RAPGEF1: variants seen among roughly 807,000 people sequenced by gnomAD.
RAPGEF1 encodes the protein Rap guanine nucleotide exchange factor 1, also known as CRK SH3-binding GNRP.
Under a neutral mutation model 143.3 loss-of-function variants are expected in RAPGEF1, and 33 were observed. That is an observed-to-expected ratio of 0.23 (90% CI 0.17 to 0.31). The LOEUF is 0.31. Among genes scored for constraint, RAPGEF1 ranks in the 10% least tolerant of loss-of-function variants. RAPGEF1 has a pLI of 1.00. For missense variants in RAPGEF1, 1,199 were observed against 1,645.4 expected, an observed-to-expected ratio of 0.73 and a Z score of 4.69; for synonymous variants, 629 against 676.5, an observed-to-expected ratio of 0.93 and a Z score of 1.09.
chr9:131,602,068 T>G lies in RAPGEF1; in HGVS notation c.2494A>C (p.Ser832Arg). The G allele has an allele frequency of 6.3e-7, 1 of 1,599,436 alleles. No individual in the cohort carries two copies. Among genetic ancestry groups the G allele is most frequent in the Non-Finnish European group, 8.5e-7 (1 of 1,174,370 alleles). The change falls in exon 15 of 27, where the codon AGT becomes CGT. Residue 832 changes from serine (S) to arginine (R), a missense_variant. This residue lies in a region of RAPGEF1 where 293 missense variants were observed against 356.2 expected (regional missense o/e 0.82). Transcript: ENST00000683357. ...TCTGGGTCCACTTCCTACCTCTCAC[T>G]GCCGTCTCTGCTGTCCTTCCCAGGG... ...GVPGKDSRDG[S>R]ERAPKSPDAL...
chr9:131,655,347 G>A lies in RAPGEF1; in HGVS notation c.62-4398C>T, dbSNP rs1972165694. 6.6e-6 allele frequency among the ~76,000 whole-genome samples: 1 copy of A among 152,220 alleles called. No individual in the cohort carries two copies. The highest frequency in any genetic ancestry group is 2.1e-4 in the South Asian group (1 of 4,832). ...TGGGGACACAAGTCAACAGGAAGCT[G>A]CTGCACCTGGCTAGCTCACCTGGAA... On this transcript the variant is annotated intron_variant, in intron 1 of 26. Transcript: ENST00000683357. This position sits in a 1 kb window ranked among gnomAD's most constrained non-coding sequence, Gnocchi z 4.1.
At chr9:131,666,257 C>G (rs1208031059) in intron 1 of RAPGEF1, among the ~76,000 whole-genome samples, 1 of 152,174 alleles carries the variant, frequency 6.6e-6, no homozygotes, top group Non-Finnish European at 1.5e-5. Flanking sequence ...ATCTGTTGTT[C>G]AAGCTACCTC....
At chr9:131,607,028 C>A (rs1957230016) in intron 12 of RAPGEF1, among the ~76,000 whole-genome samples, 1 of 152,172 alleles carries the variant, frequency 6.6e-6, no homozygotes, top group African/African-American at 2.4e-5. Flanking sequence ...CAGCCGTGGC[C>A]CCTTCCCGGC....
intron 1 of RAPGEF1, among the ~76,000 whole-genome samples, chr9:131,676,167 G>A (rs1384281622): frequency 2.0e-5 from 3 of 152,230 alleles, no homozygotes; most frequent in East Asian, 1.9e-4. Flanking sequence ...AAAGAAAACC[G>A]TGGACAGAAG....
intron 1 of RAPGEF1, among the ~76,000 whole-genome samples, chr9:131,720,786 C>G (rs1282355330): frequency 6.6e-6 from 1 of 152,110 alleles, no homozygotes; most frequent in African/African-American, 2.4e-5. Flanking sequence ...ATCTTTTCCA[C>G]AGCAACAGAA....
chr9:131,593,529 C>T (rs1954726690), intron 17 of RAPGEF1, among the ~76,000 whole-genome samples: 1 of 152,224 alleles, frequency 6.6e-6, no homozygotes, highest in East Asian at 1.9e-4. Context: ...CACCTGCTCC[C>T]ACCTTCTCCC....
At chr9:131,661,896 TA>T in intron 1 of RAPGEF1, among the ~76,000 whole-genome samples, 1 of 152,362 alleles carries the variant, frequency 6.6e-6, no homozygotes, top group African/African-American at 2.4e-5. Flanking sequence ...CTTAGGATCT[TA>T]AATCACCAGT....
intron 1 of RAPGEF1, among the ~76,000 whole-genome samples, chr9:131,730,551 C>T (rs1050504695): frequency 4.6e-5 from 7 of 151,460 alleles, no homozygotes; most frequent in Non-Finnish European, 7.4e-5. Flanking sequence ...AAAAATTAGC[C>T]GGGCGTGGTG....
intron 1 of RAPGEF1, among the ~76,000 whole-genome samples, chr9:131,688,347 C>T (rs1833517110): frequency 6.6e-6 from 1 of 152,234 alleles, no homozygotes; most frequent in Non-Finnish European, 1.5e-5. Context: ...CCACAATTCA[C>T]TGTTTATACA....
chr9:131,654,094 A>G (rs1971792845), intron 1 of RAPGEF1, among the ~76,000 whole-genome samples: 1 of 152,220 alleles, frequency 6.6e-6, no homozygotes, highest in Non-Finnish European at 1.5e-5. Context: ...AGAGACAGAA[A>G]GTAGATTGGT....
intron 17 of RAPGEF1, among the ~76,000 whole-genome samples, chr9:131,596,012 G>A (rs563675609): frequency 3.9e-5 from 6 of 152,332 alleles, no homozygotes; most frequent in East Asian, 3.9e-4. Context: ...CACTCAAGGC[G>A]CTGTCTGTGG....
At position 131,650,378 on chromosome 9, in the gene RAPGEF1, G is replaced by T; in HGVS notation, c.202-136C>A. On this transcript the variant is annotated intron_variant, in intron 2 of 26. Transcript: ENST00000683357. This position sits in a 1 kb window ranked among gnomAD's most constrained non-coding sequence, Gnocchi z 4.7. Reference sequence around the variant, plus strand: ...CCTGCTGAGGCCACTAACTCTTGAGGACATCTTTGGCTGTGTCTCAAGGGG... The same window carrying T: ...CCTGCTGAGGCCACTAACTCTTGAGTACATCTTTGGCTGTGTCTCAAGGGG... 1 of 653,490 alleles carries T rather than the reference G, an allele frequency of 1.5e-6. No individual in the cohort carries two copies. The highest frequency in any genetic ancestry group is 2.6e-6 in the Non-Finnish European group (1 of 382,124). The allele number at this position is 653,490 out of a possible 1,614,324, so 40.5% of individuals were successfully genotyped here. A position where few individuals can be genotyped will look rare whatever the true frequency, so the allele number is the denominator to read the frequency against.
intron 16 of RAPGEF1, among the ~76,000 whole-genome samples, chr9:131,597,945 T>C (rs1184059997): frequency 6.6e-6 from 1 of 152,190 alleles, no homozygotes; most frequent in Non-Finnish European, 1.5e-5. Context: ...AGTTCTGGCA[T>C]CTTTAGCTAG....
chr9:131,663,648 C>T (rs569213259), intron 1 of RAPGEF1, among the ~76,000 whole-genome samples: 11 of 152,244 alleles, frequency 7.2e-5, no homozygotes, highest in African/African-American at 2.6e-4. Context: ...TGCCTGTTCC[C>T]TGTCATGAGA....
intron 17 of RAPGEF1, among the ~76,000 whole-genome samples, chr9:131,595,189 T>C (rs1241600388): frequency 1.3e-5 from 2 of 152,220 alleles, no homozygotes; most frequent in South Asian, 4.1e-4. Flanking sequence ...GAGCCTGTCA[T>C]GGCACAGCTG....
Position 131,604,923 on chromosome 9 carries a change from G to C in RAPGEF1, c.2319+8C>G. The C allele has an allele frequency of 7.7e-7, 1 of 1,297,860 alleles. No individual in the cohort carries two copies. The highest frequency in any genetic ancestry group is 1.0e-6 in the Non-Finnish European group (1 of 984,164). 80.4% of individuals were successfully genotyped at this position (1,297,860 alleles called of 1,614,324 possible). A position where few individuals can be genotyped will look rare whatever the true frequency, so the allele number is the denominator to read the frequency against. On this transcript the variant is annotated splice_region_variant and intron_variant, in intron 13 of 26. Coordinates refer to ENST00000683357, the MANE Select transcript of RAPGEF1 (RefSeq NM_001377935.1). Reference sequence around the variant, plus strand: ...GTGTGTGTGTGTGTGTGCACGCTGAGTTCTCACCGAGTCAGTGAAAGAGGT... The same window carrying C: ...GTGTGTGTGTGTGTGTGCACGCTGACTTCTCACCGAGTCAGTGAAAGAGGT...
At chr9:131,647,631 G>A (rs886276515) in intron 3 of RAPGEF1, among the ~76,000 whole-genome samples, 8 of 152,218 alleles carry the variant, frequency 5.3e-5, no homozygotes, top group Non-Finnish European at 1.0e-4. Context: ...CTAAGTCCAC[G>A]TACTCTGGGA....
chr9:131,605,548 C>A (rs1279530987), intron 12 of RAPGEF1, among the ~76,000 whole-genome samples: 2 of 152,202 alleles, frequency 1.3e-5, no homozygotes, highest in African/African-American at 4.8e-5. Flanking sequence ...AATTCAATGT[C>A]ATTGTAATTA....
rs750235990 is a variant in RAPGEF1 at position 131,643,252 on chromosome 9, G to C, written c.481C>G (p.Arg161Gly). The C allele has an allele frequency of 1.9e-6, 3 of 1,611,502 alleles. No individual in the cohort carries two copies. In the South Asian group the frequency reaches 3.3e-5, roughly 18 times the overall value. The part of the protein sequence containing the change: ...AILPLVQNDP[R>G]IQHSSALSSC... Reference sequence around the variant, plus strand: ...AGAGCCACTCACCTGTGCTGAATTCGAGGATCGTTCTGCACCAGGGGTAAG... The same window carrying C: ...AGAGCCACTCACCTGTGCTGAATTCCAGGATCGTTCTGCACCAGGGGTAAG... The change falls in exon 4 of 27, where the codon CGA becomes GGA. Residue 161 changes from arginine to glycine, a missense_variant. Physicochemically the swap from Arg to Gly is moderately radical, Grantham distance 125 (BLOSUM62 -2). Around this residue, in one of 6 missense-constraint regions of RAPGEF1, gnomAD observed 613 missense variants for 710.9 expected, o/e 0.86. Transcript: ENST00000683357.
Sources: gnomAD v4.1 joint callset for allele counts (sites outside exome capture counted in the v4.1 genomes callset) on GRCh38, gnomAD v4.1.1 for gene constraint, gnomAD v4.1.1 regional missense constraint, Gnocchi (gnomAD v3.1) non-coding constraint, MANE v1.5 for transcripts, NCBI Gene and HGNC (gene_info 2026-07-23, HGNC 2026-07-21) for gene names.